Variants in PLEKHG4B observed in about 807,000 individuals in gnomAD.
PLEKHG4B encodes the protein pleckstrin homology domain-containing family G member 4B.
In PLEKHG4B, 111 loss-of-function variants were observed where a neutral mutation model predicts 121.3. That is an observed-to-expected ratio of 0.92 (90% CI 0.78 to 1.07). PLEKHG4B has a LOEUF of 1.07. PLEKHG4B is among the 50% of genes least tolerant of loss of function. The probability of loss-of-function intolerance (pLI) is 0.00; values close to 1 mark genes in which losing one functional copy is unlikely to be tolerated. For synonymous variants in PLEKHG4B, 738 were observed against 725.0 expected, an observed-to-expected ratio of 1.02 and a Z score of -0.29; for missense variants, 1,831 against 1,757.8, an observed-to-expected ratio of 1.04 and a Z score of -0.74.
intron 13 of PLEKHG4B, among the ~76,000 whole-genome samples, chr5:166,494 ACAGTAATCTTCTGACGGGGCG>A (rs1736350016): frequency 1.2e-5 from 1 of 85,532 alleles, no homozygotes; most frequent in African/African-American, 4.4e-5. Flanking sequence ...GGCGGGGCTC[ACAGTAATCTTCTGACGGGGCG>A]GAGCTCACAC....
Position 156,354 on chromosome 5 carries a change from G to A in PLEKHG4B, c.2348+144G>A. ...ACCTCCATTCTGACAGCCACGCTTT[G>A]CCTGGGTCAGAGCTTTTCCACATTT... is the stretch of plus-strand genomic sequence containing the variant. On this transcript the variant is annotated intron_variant, in intron 10 of 19. Coordinates refer to ENST00000637938, the MANE Select transcript of PLEKHG4B (RefSeq NM_052909.5). The surrounding 1 kb of genome is among the most constrained non-coding windows in gnomAD (Gnocchi z 4.4). The A allele has an allele frequency of 2.1e-6, 2 of 974,574 alleles. No individual in the cohort carries two copies. Among genetic ancestry groups the A allele is most frequent in the Non-Finnish European group, 2.7e-6 (2 of 729,272 alleles). 60.4% of individuals were successfully genotyped at this position (974,574 alleles called of 1,614,324 possible). A position where few individuals can be genotyped will look rare whatever the true frequency, so the allele number is the denominator to read the frequency against.
Position 161,747 on chromosome 5 carries a change from C to G in PLEKHG4B, c.2488-36C>G, listed in dbSNP as rs771643369. ...ACCTGGAGACATGAACGTGGAAGCACCGGGCTTGTACTGATGCTTTGTTCC... is the reference window on the plus strand; with the variant it reads ...ACCTGGAGACATGAACGTGGAAGCAGCGGGCTTGTACTGATGCTTTGTTCC... On this transcript the variant is annotated intron_variant, in intron 11 of 19. Transcript: ENST00000637938. The G allele has an allele frequency of 1.1e-5, 17 of 1,612,938 alleles. No individual in the cohort carries two copies. The South Asian group carries it at 1.8e-4, about 17-fold the overall frequency.
At chr5:164,352 A>C (rs987299383) in intron 13 of PLEKHG4B, among the ~76,000 whole-genome samples, 1 of 152,118 alleles carries the variant, frequency 6.6e-6, no homozygotes, top group Non-Finnish European at 1.5e-5. Context: ...TGCTTCTCCG[A>C]GACTCTAATG....
intron 17 of PLEKHG4B, among the ~76,000 whole-genome samples, chr5:173,379 G>A (rs1579326662): frequency 6.6e-6 from 1 of 151,854 alleles, no homozygotes; most frequent in Non-Finnish European, 1.5e-5. Context: ...CCTTCCCCTG[G>A]CTCTCGGAGG....
rs1735032752 is a variant in PLEKHG4B at position 137,953 on chromosome 5, G to T, written c.244-1530G>T. On this transcript the variant is annotated intron_variant, in intron 2 of 19. Transcript: ENST00000637938. This position sits in a 1 kb window ranked among gnomAD's most constrained non-coding sequence, Gnocchi z 4.2. Reference sequence around the variant, plus strand: ...GGCCGCCTCGCAGCGTCTGGGGAGGGTGTCAAGGAGCCGCTTCTTGAACGG... The same window carrying T: ...GGCCGCCTCGCAGCGTCTGGGGAGGTTGTCAAGGAGCCGCTTCTTGAACGG... 6.6e-6 allele frequency among the ~76,000 whole-genome samples: 1 copy of T among 152,244 alleles called. No homozygotes were observed. Among genetic ancestry groups the T allele is most frequent in the South Asian group, 2.1e-4 (1 of 4,830 alleles).
chr5:171,500 G>T (rs1199518512), intron 16 of PLEKHG4B, 56 bp downstream of exon 16: 1 of 1,463,584 alleles, frequency 6.8e-7, no homozygotes, highest in Non-Finnish European at 9.2e-7. Context: ...GAGGCTGCTG[G>T]TGAGAAAGTC....
At chr5:93,764 G>A (rs896925669) in intron 1 of PLEKHG4B, among the ~76,000 whole-genome samples, 1 of 152,136 alleles carries the variant, frequency 6.6e-6, no homozygotes, top group African/African-American at 2.4e-5. Context: ...CAAGCTGGCC[G>A]GTGGTCTCAA....
intron 13 of PLEKHG4B, among the ~76,000 whole-genome samples, chr5:168,340 G>A (rs1308247170): frequency 2.6e-5 from 4 of 152,100 alleles, no homozygotes; most frequent in African/African-American, 9.7e-5. Context: ...TCCACCTCTG[G>A]GCCGTCCTGC....
At chr5:99,771 A>G (rs1733746835) in intron 1 of PLEKHG4B, among the ~76,000 whole-genome samples, 1 of 152,136 alleles carries the variant, frequency 6.6e-6, no homozygotes, top group Admixed American at 6.5e-5. Context: ...AATGTTGAAT[A>G]GAGGTGTAGA....
intron 2 of PLEKHG4B, among the ~76,000 whole-genome samples, chr5:121,543 T>C (rs1442796848): frequency 6.6e-6 from 1 of 152,132 alleles, no homozygotes; most frequent in African/African-American, 2.4e-5. Flanking sequence ...GAAGTATTGT[T>C]AGATTTTTTT....
intron 3 of PLEKHG4B, among the ~76,000 whole-genome samples, chr5:142,327 C>G (rs1560924170): frequency 6.6e-6 from 1 of 152,080 alleles, no homozygotes; most frequent in Non-Finnish European, 1.5e-5. Flanking sequence ...ATAACAACCA[C>G]ACACAGTCAC....
At chr5:174,587 G>C (rs1338626871) in intron 18 of PLEKHG4B, among the ~76,000 whole-genome samples, 2 of 152,172 alleles carry the variant, frequency 1.3e-5, no homozygotes, top group African/African-American at 4.8e-5. Context: ...AAAGGGATGG[G>C]GTCATTGCCC....
intron 13 of PLEKHG4B, among the ~76,000 whole-genome samples, chr5:167,347 C>T (rs918656421): frequency 2.6e-5 from 4 of 152,232 alleles, no homozygotes; most frequent in South Asian, 2.1e-4. Flanking sequence ...ATGGGATGTG[C>T]GTTCAGCAGC....
At chr5:99,460 C>T (rs1036880451) in intron 1 of PLEKHG4B, among the ~76,000 whole-genome samples, 2 of 151,706 alleles carry the variant, frequency 1.3e-5, no homozygotes, top group Admixed American at 6.6e-5. Context: ...TTTACCTTTA[C>T]GTTTAAATTT....
chr5:116,181 G>A (rs1458922468), intron 2 of PLEKHG4B, among the ~76,000 whole-genome samples: 1 of 152,154 alleles, frequency 6.6e-6, no homozygotes, highest in Non-Finnish European at 1.5e-5. Context: ...TTGTGTCTTA[G>A]GGAATAGGGA....
At position 163,028 on chromosome 5, in the gene PLEKHG4B, A is replaced by C; in HGVS notation, c.2956A>C (p.Arg986=). Residue 986 remains arginine, a synonymous_variant, in exon 13 of 20, where the codon AGG becomes CGG. Transcript: ENST00000637938. ...KHERAQEAMR[R]HQKPPSFPST... Reference sequence around the variant, plus strand: ...TGAGCGTGCCCAGGAGGCCATGAGGAGGCACCAGAAGCCACCCTCATTCCC... The same window carrying C: ...TGAGCGTGCCCAGGAGGCCATGAGGCGGCACCAGAAGCCACCCTCATTCCC... 1 of 1,561,938 alleles carries C rather than the reference A, an allele frequency of 6.4e-7. No homozygotes were observed. Among genetic ancestry groups the C allele is most frequent in the East Asian group, 2.4e-5 (1 of 41,890 alleles).
intron 1 of PLEKHG4B, among the ~76,000 whole-genome samples, chr5:102,197 G>T (rs925239533): frequency 2.0e-5 from 3 of 152,128 alleles, no homozygotes; most frequent in Non-Finnish European, 4.4e-5. Flanking sequence ...CCTGGAAGAA[G>T]TAGTAGGGAA....
At chr5:100,398 C>A (rs58373727) in intron 1 of PLEKHG4B, among the ~76,000 whole-genome samples, 3 of 138,080 alleles carry the variant, frequency 2.2e-5, no homozygotes, top group South Asian at 2.3e-4. Context: ...CTGGAAAAAG[C>A]CTGTAGGGGA....
chr5:99,049 G>A (rs1431480184), intron 1 of PLEKHG4B, among the ~76,000 whole-genome samples: 35 of 145,920 alleles, frequency 2.4e-4, no homozygotes, highest in Admixed American at 1.0e-3. Context: ...CCAGCTACTC[G>A]GGAGGCTGAG....
Sources: allele counts gnomAD v4.1 joint callset (sites outside exome capture counted in the v4.1 genomes callset), GRCh38; gene constraint gnomAD v4.1.1; non-coding constraint Gnocchi (gnomAD v3.1); transcripts MANE v1.5; gene names NCBI Gene and HGNC (gene_info 2026-07-23, HGNC 2026-07-21).